The following GRIA2 variants were observed in gnomAD, a reference collection of about 807,000 sequenced individuals.
The protein encoded by GRIA2 is glutamate receptor 2.
Under a neutral mutation model 97.3 loss-of-function variants are expected in GRIA2, and 14 were observed. That is an observed-to-expected ratio of 0.14 (90% CI 0.10 to 0.23). GRIA2 has a LOEUF of 0.23. GRIA2 is among the 10% of genes least tolerant of loss of function. The pLI, the probability that GRIA2 is intolerant of heterozygous loss-of-function variation, is 1.00. For missense variants in GRIA2, 558 were observed against 1,069.8 expected (o/e 0.52, Z 6.67); for synonymous variants, 412 against 387.8 (o/e 1.06, Z -0.73).
intron 6 of GRIA2, among the ~76,000 whole-genome samples, chr4:157,328,503 G>T (rs1734907820): frequency 6.6e-6 from 1 of 151,930 alleles, no homozygotes. Flanking sequence ...AAAAAATAAA[G>T]AACTTTCACC....
At chr4:157,334,736 T>C (rs768267661) in intron 9 of GRIA2, 5 of 152,112 alleles carry the variant, frequency 3.3e-5, no homozygotes, top group Admixed American at 2.0e-4. Flanking sequence ...GTGTTCGTTA[T>C]AGGACAGAAT....
At chr4:157,344,741 A>C (rs1207325543) in intron 12 of GRIA2, among the ~76,000 whole-genome samples, 4 of 152,056 alleles carry the variant, frequency 2.6e-5, no homozygotes, top group Non-Finnish European at 5.9e-5. Context: ...TGAGTTTATC[A>C]AGTCAACGGT....
At chr4:157,268,007 CTGAA>C (rs1291124902) in intron 2 of GRIA2, among the ~76,000 whole-genome samples, 1 of 152,038 alleles carries the variant, frequency 6.6e-6, no homozygotes, top group African/African-American at 2.4e-5. Flanking sequence ...AGGACACACA[CTGAA>C]TGACAAGAAA....
At position 157,284,200 on chromosome 4, in the gene GRIA2, A is replaced by T. The variant is rs181832596; in HGVS notation, c.230-19352A>T. ...TAAGTTGAAGTTGTGTGAGAGGGGG[A>T]ACTGGGTCAGCTAGTGGACTAATTA... is the stretch of plus-strand genomic sequence containing the variant. On this transcript the variant is annotated intron_variant, in intron 2 of 15. Transcript: ENST00000264426. Among the ~76,000 whole-genome samples the T allele has an allele frequency of 6.2e-3, 937 of 151,780 alleles. 14 individuals carry two copies. Among genetic ancestry groups the T allele is most frequent in the Middle Eastern group, 6.8e-3 (2 of 294 alleles).
At chr4:157,241,274 T>G (rs536068937) in intron 2 of GRIA2, among the ~76,000 whole-genome samples, 38 of 152,256 alleles carry the variant, frequency 2.5e-4, no homozygotes, top group African/African-American at 9.1e-4. Context: ...TATCATCAGA[T>G]GTTGTTTGAG....
chr4:157,316,114 C>T (rs1734307526), intron 4 of GRIA2, among the ~76,000 whole-genome samples: 3 of 152,008 alleles, frequency 2.0e-5, no homozygotes, highest in Admixed American at 2.0e-4. Context: ...TAAAAAATTT[C>T]TCAGCAGGAA....
At chr4:157,230,441 C>T (rs1269211272) in intron 2 of GRIA2, among the ~76,000 whole-genome samples, 1 of 152,152 alleles carries the variant, frequency 6.6e-6, no homozygotes, top group African/African-American at 2.4e-5. Context: ...TAAGAGGCAG[C>T]ATAACTTGGT....
chr4:157,325,091 G>T (rs1476885069), intron 6 of GRIA2, among the ~76,000 whole-genome samples: 2 of 152,082 alleles, frequency 1.3e-5, no homozygotes, highest in East Asian at 1.9e-4. Context: ...CATAGTTAGG[G>T]TTTAGGAATT....
At chr4:157,226,544 T>C (rs1245296693) in intron 2 of GRIA2, among the ~76,000 whole-genome samples, 6 of 152,114 alleles carry the variant, frequency 3.9e-5, no homozygotes, top group Non-Finnish European at 5.9e-5. Flanking sequence ...GCTATCATTT[T>C]TGAGCTGTAT....
chr4:157,320,272 G>C (rs1175505071), intron 5 of GRIA2, among the ~76,000 whole-genome samples: 4 of 152,056 alleles, frequency 2.6e-5, no homozygotes, highest in African/African-American at 9.7e-5. Context: ...ATTAAAATGG[G>C]TGAGAAGATA....
At chr4:157,351,623 A>G (rs967385951) in intron 12 of GRIA2, among the ~76,000 whole-genome samples, 1 of 152,200 alleles carries the variant, frequency 6.6e-6, no homozygotes, top group African/African-American at 2.4e-5. Flanking sequence ...TCACTACCCA[A>G]ATCTCACCTT....
chr4:157,315,945 A>G (rs1332905777), intron 4 of GRIA2, among the ~76,000 whole-genome samples: 1 of 152,222 alleles, frequency 6.6e-6, no homozygotes, highest in African/African-American at 2.4e-5. Flanking sequence ...TTCCATTGTC[A>G]GTGCAATAAT....
At chr4:157,242,236 A>G (rs1730541673) in intron 2 of GRIA2, among the ~76,000 whole-genome samples, 1 of 152,106 alleles carries the variant, frequency 6.6e-6, no homozygotes, top group Non-Finnish European at 1.5e-5. Context: ...GGCTTCACCT[A>G]TGTTTTAGCA....
intron 4 of GRIA2, among the ~76,000 whole-genome samples, chr4:157,314,998 T>C (rs1299900372): frequency 1.3e-5 from 2 of 152,218 alleles, no homozygotes; most frequent in African/African-American, 4.8e-5. Flanking sequence ...AAATGCAATG[T>C]AGTCTAGGAC....
chr4:157,304,675 C>A (rs1437464645), intron 3 of GRIA2, among the ~76,000 whole-genome samples: 1 of 152,088 alleles, frequency 6.6e-6, no homozygotes, highest in Non-Finnish European at 1.5e-5. Context: ...TACCTAAGTA[C>A]CATACTGTGC....
At chr4:157,223,627 T>C (rs755687537) in intron 2 of GRIA2, among the ~76,000 whole-genome samples, 1 of 152,236 alleles carries the variant, frequency 6.6e-6, no homozygotes, top group Admixed American at 6.5e-5. Context: ...TCTGAGTATC[T>C]AACTGTGTGT....
intron 2 of GRIA2, among the ~76,000 whole-genome samples, chr4:157,241,882 A>C (rs1409187658): frequency 6.6e-6 from 1 of 152,136 alleles, no homozygotes; most frequent in African/African-American, 2.4e-5. Flanking sequence ...GAGCATTAGA[A>C]TAAGGGAAAG....
In GRIA2 at chr4:157,364,988, A is replaced by G. The variant is rs1003419573; in HGVS notation, c.*1557A>G. ...ATAAAATACCTCTTATTTCCATTAA[A>G]GCCCCCCAAGTTTAATTAATTTAGG... On this transcript the variant is annotated 3_prime_UTR_variant, in exon 16 of 16. Transcript: ENST00000264426. The G allele has an allele frequency of 3.3e-5, 5 of 151,622 alleles. No individual in the cohort carries two copies. The highest frequency in any genetic ancestry group is 1.2e-4 in the African/African-American group (5 of 41,404). The allele number at this position is 151,622 out of a possible 1,614,324, so 9.4% of individuals were successfully genotyped here.
Position 157,333,366 on chromosome 4 carries a change from T to G in GRIA2, c.1155+13T>G. ...TGGGCCCCGGAAGGTAAATCCTTAG[T>G]GATTTAAAGGCAGTTCTATGTGAGG... On this transcript the variant is annotated intron_variant, in intron 8 of 15. Transcript: ENST00000264426. The G allele has an allele frequency of 7.1e-7, 1 of 1,415,128 alleles. No homozygotes were observed. The highest frequency in any genetic ancestry group is 9.8e-7 in the Non-Finnish European group (1 of 1,015,714). 87.7% of individuals were successfully genotyped at this position (1,415,128 alleles called of 1,614,324 possible).
Sources: gnomAD v4.1 joint callset for allele counts (sites outside exome capture counted in the v4.1 genomes callset) on GRCh38, gnomAD v4.1.1 for gene constraint, MANE v1.5 for transcripts, NCBI Gene and HGNC (gene_info 2026-07-23, HGNC 2026-07-21) for gene names.